The following SEPTIN9 variants were observed in gnomAD, a reference collection of about 807,000 sequenced individuals.
The protein encoded by SEPTIN9 is septin 9.
Under a neutral mutation model 56.6 loss-of-function variants are expected in SEPTIN9, and 13 were observed. The ratio of observed to expected loss-of-function variants is 0.23; its 90% CI spans 0.15 to 0.37. The LOEUF (loss-of-function observed/expected upper bound fraction) is 0.37, where lower values mean the gene tolerates loss of function less well. SEPTIN9 is among the 10% of genes least tolerant of loss of function. The pLI, the probability that SEPTIN9 is intolerant of heterozygous loss-of-function variation, is 1.00. For missense variants in SEPTIN9, 650 were observed against 823.1 expected, an observed-to-expected ratio of 0.79 and a Z score of 2.57; for synonymous variants, 332 against 334.1, an observed-to-expected ratio of 0.99 and a Z score of 0.07.
At chr17:77,431,877 C>G (rs967482378) in intron 3 of SEPTIN9, among the ~76,000 whole-genome samples, 3 of 150,988 alleles carry the variant, frequency 2.0e-5, no homozygotes, top group African/African-American at 7.3e-5. Context: ...TCACCTCTCT[C>G]AGGGATTTTC....
At chr17:77,410,793 C>T (rs1484148124) in intron 3 of SEPTIN9, among the ~76,000 whole-genome samples, 2 of 152,230 alleles carry the variant, frequency 1.3e-5, no homozygotes, top group Non-Finnish European at 2.9e-5. Context: ...CTGGGCAGCA[C>T]CTCATGCCAT....
intron 4 of SEPTIN9, among the ~76,000 whole-genome samples, chr17:77,486,747 G>C (rs560809906): frequency 1.0e-3 from 155 of 152,236 alleles, no homozygotes; most frequent in African/African-American, 3.6e-3. Context: ...AGTCACCTGT[G>C]GACTGGCTGT....
chr17:77,284,990 A>T (rs2031210945), intron 1 of SEPTIN9, among the ~76,000 whole-genome samples: 1 of 152,180 alleles, frequency 6.6e-6, no homozygotes, highest in Non-Finnish European at 1.5e-5. Context: ...TTCATATTTG[A>T]AAAAGCTGAG....
intron 4 of SEPTIN9, chr17:77,482,609 G>A: frequency 1.5e-6 from 1 of 656,876 alleles, no homozygotes; most frequent in Non-Finnish European, 2.8e-6. Context: ...AGGTCCTGAT[G>A]AGTGGTCGCT....
chr17:77,469,793 C>G (rs994482401), intron 3 of SEPTIN9: 1 of 149,452 alleles, frequency 6.7e-6, no homozygotes, highest in African/African-American at 2.6e-5. Context: ...ACTCACTCAC[C>G]CATCCACGCA....
chr17:77,315,939 C>G (rs1250782581), intron 2 of SEPTIN9, among the ~76,000 whole-genome samples: 1 of 152,176 alleles, frequency 6.6e-6, no homozygotes. Context: ...TGGCTGGGAG[C>G]TGGGCTCATA....
chr17:77,439,777 C>T (rs1354536352), intron 3 of SEPTIN9, among the ~76,000 whole-genome samples: 1 of 152,246 alleles, frequency 6.6e-6, no homozygotes, highest in Non-Finnish European at 1.5e-5. Flanking sequence ...CCTGAGAGCC[C>T]CGCCCTGGGC....
intron 3 of SEPTIN9, among the ~76,000 whole-genome samples, chr17:77,463,264 C>G (rs970726583): frequency 1.3e-5 from 2 of 152,096 alleles, no homozygotes; most frequent in African/African-American, 2.4e-5. Flanking sequence ...TTGGAGTGTG[C>G]GTTCCAAGCC....
intron 2 of SEPTIN9, among the ~76,000 whole-genome samples, chr17:77,398,609 T>C (rs184918): frequency 0.25 from 37,658 of 152,124 alleles, 5,780 homozygotes; most frequent in East Asian, 0.81. Flanking sequence ...CATGGTTTCC[T>C]TGGGGAAGAT....
At chr17:77,415,568 C>T (rs1224903193) in intron 3 of SEPTIN9, among the ~76,000 whole-genome samples, 1 of 146,450 alleles carries the variant, frequency 6.8e-6, no homozygotes, top group Admixed American at 7.0e-5. Flanking sequence ...GTGGAGGTTG[C>T]AGTGAGCCAA....
intron 3 of SEPTIN9, among the ~76,000 whole-genome samples, chr17:77,463,730 C>A (rs1425373226): frequency 6.6e-6 from 1 of 152,042 alleles, no homozygotes; most frequent in East Asian, 1.9e-4. Context: ...GTAATCCCAG[C>A]TACTTGGGAG....
At chr17:77,331,296 T>G (rs2033340531) in intron 2 of SEPTIN9, among the ~76,000 whole-genome samples, 2 of 152,224 alleles carry the variant, frequency 1.3e-5, no homozygotes, top group Admixed American at 6.5e-5. Context: ...CCTATGTCAC[T>G]GCGTCAGAGG....
At chr17:77,345,322 G>A (rs873370) in intron 2 of SEPTIN9, among the ~76,000 whole-genome samples, 20,250 of 152,162 alleles carry the variant, frequency 0.13, 1,765 homozygotes, top group South Asian at 0.23. Context: ...TTCTGTGATG[G>A]ATACTTTAAG....
intron 2 of SEPTIN9, among the ~76,000 whole-genome samples, chr17:77,346,278 CTTTTTTTTTT>C (rs577131369): frequency 3.5e-4 from 16 of 46,292 alleles, no homozygotes; most frequent in Admixed American, 7.2e-4. Flanking sequence ...ATCCTTAGGT[CTTTTTTTTTT>C]TTTTTTTTTT....
At position 77,499,259 on chromosome 17, in the gene SEPTIN9, G is replaced by T; in HGVS notation, c.*601G>T. 3.4e-6 allele frequency: 2 copies of T among 596,976 alleles called. No homozygotes were observed. The highest frequency in any genetic ancestry group is 6.5e-6 in the Non-Finnish European group (2 of 308,628). The allele number at this position is 596,976 out of a possible 1,614,324, so 37.0% of individuals were successfully genotyped here. A position where few individuals can be genotyped will look rare whatever the true frequency, so the allele number is the denominator to read the frequency against. ...CTGCCCAGCCACTCCAAGCCCCCTGGCAGCTGCCCCTCCTGGAGCAGAAAG... is the reference window on the plus strand; with the variant it reads ...CTGCCCAGCCACTCCAAGCCCCCTGTCAGCTGCCCCTCCTGGAGCAGAAAG... On this transcript the variant is annotated 3_prime_UTR_variant, in exon 12 of 12. Coordinates refer to ENST00000427177, the MANE Select transcript of SEPTIN9 (RefSeq NM_001113491.2).
chr17:77,284,368 G>A (rs964197283), intron 1 of SEPTIN9, among the ~76,000 whole-genome samples: 2 of 152,252 alleles, frequency 1.3e-5, no homozygotes, highest in African/African-American at 4.8e-5. Context: ...GGATCCAGGG[G>A]GACACTGGGG....
In SEPTIN9 at chr17:77,405,884, C is replaced by T. The variant is rs888578916; in HGVS notation, c.721+3181C>T. On this transcript the variant is annotated intron_variant, in intron 3 of 11. Transcript: ENST00000427177. The surrounding 1 kb of genome is among the most constrained non-coding windows in gnomAD (Gnocchi z 5.8). ...GGGGCTGGGCTGGGAGTTCCCTGAG[C>T]CCCGACATGCACAGCTCTGACCAAT... 3.3e-5 allele frequency among the ~76,000 whole-genome samples: 5 copies of T among 152,242 alleles called. No individual in the cohort carries two copies. The highest frequency in any genetic ancestry group is 4.8e-5 in the African/African-American group (2 of 41,472).
intron 2 of SEPTIN9, among the ~76,000 whole-genome samples, chr17:77,312,526 C>T (rs1454876673): frequency 1.3e-5 from 2 of 152,100 alleles, no homozygotes; most frequent in African/African-American, 4.8e-5. Flanking sequence ...CATCTTGTCA[C>T]ACCCCTTCTA....
intron 1 of SEPTIN9, chr17:77,288,089 C>A: frequency 2.8e-6 from 3 of 1,064,096 alleles, no homozygotes; most frequent in Non-Finnish European, 3.4e-6. Context: ...CAGAAAGTCC[C>A]CTTTGGAGCG....
Sources: gnomAD v4.1 joint callset for allele counts (sites outside exome capture counted in the v4.1 genomes callset) on GRCh38, gnomAD v4.1.1 for gene constraint, Gnocchi (gnomAD v3.1) non-coding constraint, MANE v1.5 for transcripts, NCBI Gene and HGNC (gene_info 2026-07-23, HGNC 2026-07-21) for gene names.